Variants in DPYD observed in about 807,000 individuals in gnomAD.
DPYD encodes dihydropyrimidine dehydrogenase.
A neutral mutation model predicts 116.2 loss-of-function variants in DPYD; 109 were observed. The observed-to-expected ratio is 0.94, with a 90% CI of 0.80 to 1.10. The LOEUF is 1.10. Ranked by LOEUF, DPYD falls within the 50% of genes least tolerant of loss-of-function variation. The pLI is 0.00. For synonymous variants in DPYD, 440 were observed against 432.0 expected (o/e 1.02, Z -0.23); for missense variants, 1,302 against 1,254.5 (o/e 1.04, Z -0.57).
chr1:97,618,939 T>A (rs1656466869), intron 8 of DPYD, among the ~76,000 whole-genome samples: 1 of 152,150 alleles, frequency 6.6e-6, no homozygotes, highest in South Asian at 2.1e-4. Context: ...CAGGATGCAA[T>A]CTTGTGTCTC....
chr1:97,557,682 C>T (rs1399476867), intron 11 of DPYD, among the ~76,000 whole-genome samples: 1 of 152,086 alleles, frequency 6.6e-6, no homozygotes, highest in African/African-American at 2.4e-5. Context: ...ATCTTGTTTC[C>T]AAATATATCA....
At chr1:97,605,092 T>C (rs1655500885) in intron 8 of DPYD, among the ~76,000 whole-genome samples, 2 of 152,132 alleles carry the variant, frequency 1.3e-5, no homozygotes, top group African/African-American at 4.8e-5. Flanking sequence ...AAATGCCAAA[T>C]GCACTGCGAT....
At chr1:97,421,796 TG>T (rs1375328898) in intron 14 of DPYD, among the ~76,000 whole-genome samples, 1 of 152,154 alleles carries the variant, frequency 6.6e-6, no homozygotes, top group African/African-American at 2.4e-5. Context: ...TTATCTCTGG[TG>T]GAAAATTCTC....
At chr1:97,191,165 G>T (rs1252715870) in intron 20 of DPYD, among the ~76,000 whole-genome samples, 1 of 151,030 alleles carries the variant, frequency 6.6e-6, no homozygotes, top group Non-Finnish European at 1.5e-5. Context: ...ATGTACCCTA[G>T]AACTTAAAGT....
chr1:97,705,143 A>T (rs990197178), intron 5 of DPYD, among the ~76,000 whole-genome samples: 12 of 148,570 alleles, frequency 8.1e-5, no homozygotes, highest in East Asian at 5.9e-4. Flanking sequence ...TTTTTTTTTT[A>T]AATTATACTT....
At chr1:97,120,016 G>A (rs1329906096) in intron 20 of DPYD, among the ~76,000 whole-genome samples, 1 of 152,188 alleles carries the variant, frequency 6.6e-6, no homozygotes, top group Non-Finnish European at 1.5e-5. Context: ...CCTCTGCAGA[G>A]GGAGAGGCAG....
intron 16 of DPYD, among the ~76,000 whole-genome samples, chr1:97,353,920 G>C (rs1168510053): frequency 2.0e-5 from 3 of 152,172 alleles, no homozygotes; most frequent in African/African-American, 7.2e-5. Flanking sequence ...ATGTCTGAGG[G>C]ACAGGAGCAC....
chr1:97,381,338 T>A (rs899594592), intron 15 of DPYD, among the ~76,000 whole-genome samples: 10 of 152,102 alleles, frequency 6.6e-5, no homozygotes, highest in Non-Finnish European at 4.4e-5. Flanking sequence ...TTGAAAAAAA[T>A]AATTTTGAAA....
chr1:97,834,931 T>A (rs529414174), intron 2 of DPYD, among the ~76,000 whole-genome samples: 37 of 152,146 alleles, frequency 2.4e-4, no homozygotes, highest in African/African-American at 8.7e-4. Flanking sequence ...AGATGAACAT[T>A]CTACTGTCAA....
chr1:97,804,929 A>C (rs1668012344), intron 3 of DPYD, among the ~76,000 whole-genome samples: 1 of 151,892 alleles, frequency 6.6e-6, no homozygotes, highest in South Asian at 2.1e-4. Flanking sequence ...CTGCAATTCT[A>C]TTATGGTTTT....
At chr1:97,671,198 ATAAT>A (rs991839316) in intron 8 of DPYD, among the ~76,000 whole-genome samples, 41 of 152,032 alleles carry the variant, frequency 2.7e-4, no homozygotes, top group African/African-American at 7.0e-4. Flanking sequence ...ATTAGAGTTA[ATAAT>A]TAATCAATAC....
intron 3 of DPYD, among the ~76,000 whole-genome samples, chr1:97,824,554 G>T (rs539584370): frequency 4.6e-5 from 7 of 152,206 alleles, no homozygotes; most frequent in African/African-American, 7.2e-5. Context: ...GCCATATGTG[G>T]CTGAGGGCTC....
chr1:97,698,020 T>C, intron 6 of DPYD, among the ~76,000 whole-genome samples: 1 of 152,110 alleles, frequency 6.6e-6, no homozygotes, highest in African/African-American at 2.4e-5. Context: ...TTTTTCTAAT[T>C]AATAAAGCTG....
chr1:97,556,285 T>C (rs1651698737), intron 11 of DPYD, among the ~76,000 whole-genome samples: 1 of 152,178 alleles, frequency 6.6e-6, no homozygotes, highest in Non-Finnish European at 1.5e-5. Flanking sequence ...CCTGTCCTCA[T>C]GATGCATTTT....
chr1:97,282,091 T>C (rs1665358896), intron 18 of DPYD, among the ~76,000 whole-genome samples: 2 of 152,070 alleles, frequency 1.3e-5, no homozygotes, highest in African/African-American at 4.8e-5. Context: ...TGATATTATG[T>C]TTGATATTAA....
rs113705561 is a variant in DPYD at position 97,207,371 on chromosome 1, A to G, written c.2443-14123T>C. On this transcript the variant is annotated intron_variant, in intron 19 of 22. Coordinates refer to ENST00000370192, the MANE Select transcript of DPYD (RefSeq NM_000110.4). ...ACTTAACTCTTCTTTGGATATGCCA[A>G]TGTATTTCAAGGATGCAGGGAGTAA... Among the ~76,000 whole-genome samples, 191 of 152,300 alleles carry G rather than the reference A, an allele frequency of 1.3e-3. 2 individuals are homozygous for G. Among genetic ancestry groups the G allele is most frequent in the Non-Finnish European group, 2.1e-3 (142 of 68,008 alleles).
chr1:97,405,127 T>A (rs1483200483), intron 14 of DPYD, among the ~76,000 whole-genome samples: 1 of 152,112 alleles, frequency 6.6e-6, no homozygotes, highest in Non-Finnish European at 1.5e-5. Flanking sequence ...TCATTGGACT[T>A]ATATATAGGT....
Position 97,089,688 on chromosome 1 carries a change from T to C in DPYD, c.2767-7218A>G, listed in dbSNP as rs1270711405. 5.3e-5 allele frequency among the ~76,000 whole-genome samples: 8 copies of C among 152,144 alleles called. No individual in the cohort carries two copies. The South Asian group carries it at 1.4e-3, about 28-fold the overall frequency. On this transcript the variant is annotated intron_variant, in intron 21 of 22. Transcript: ENST00000370192. ...AGCTTCATAATATGGGCCATACGCATGGTAAATGCTATGCTATTATGCATT... is the reference window on the plus strand; with the variant it reads ...AGCTTCATAATATGGGCCATACGCACGGTAAATGCTATGCTATTATGCATT...
At chr1:97,627,532 A>G (rs1184567479) in intron 8 of DPYD, among the ~76,000 whole-genome samples, 5 of 152,064 alleles carry the variant, frequency 3.3e-5, no homozygotes, top group Non-Finnish European at 7.4e-5. Context: ...AGGTTTTCTA[A>G]GAACCAAAAA....
Sources: allele counts gnomAD v4.1 joint callset (sites outside exome capture counted in the v4.1 genomes callset), GRCh38; gene constraint gnomAD v4.1.1; transcripts MANE v1.5; gene names NCBI Gene and HGNC (gene_info 2026-07-23, HGNC 2026-07-21).